CD164: variants seen among roughly 807,000 people sequenced by gnomAD.
CD164 encodes the protein sialomucin core protein 24.
In CD164, 11 loss-of-function variants were observed where a neutral mutation model predicts 24.6. That is an observed-to-expected ratio of 0.45 (90% CI 0.28 to 0.74). The LOEUF (loss-of-function observed/expected upper bound fraction) is 0.74. CD164 is among the 30% of genes least tolerant of loss of function. The probability of loss-of-function intolerance (pLI) is 0.13; values close to 1 mark genes in which losing one functional copy is unlikely to be tolerated. For missense variants in CD164, 295 were observed against 243.7 expected (o/e 1.21, Z -1.40); for synonymous variants, 126 against 100.3 (o/e 1.26, Z -1.53).
intron 2 of CD164, among the ~76,000 whole-genome samples, chr6:109,378,716 C>T (rs9487080): frequency 0.016 from 2,413 of 151,850 alleles, 62 homozygotes; most frequent in African/African-American, 0.056. Flanking sequence ...AAGAGTACGC[C>T]CTTAAATCCC....
chr6:109,381,253 T>C (rs1294721101), intron 1 of CD164, among the ~76,000 whole-genome samples: 1 of 152,212 alleles, frequency 6.6e-6, no homozygotes, highest in African/African-American at 2.4e-5. Context: ...ATTTCTGCTT[T>C]AAAATGTATG....
At chr6:109,380,520 AG>A (rs1220137203) in intron 1 of CD164, 1 of 152,256 alleles carries the variant, frequency 6.6e-6, no homozygotes, top group African/African-American at 2.4e-5. Context: ...CTTCATCATT[AG>A]TACTTATTAA....
intron 1 of CD164, chr6:109,380,553 G>A (rs552219764): frequency 1.3e-5 from 2 of 152,196 alleles, no homozygotes; most frequent in African/African-American, 4.8e-5. Context: ...TGTACGGTGG[G>A]GTGGGGAAGG....
rs1771801008 is a variant in CD164 at position 109,382,206 on chromosome 6, G to A, written c.173C>T (p.Pro58Leu). 3 of 1,554,508 alleles carry A rather than the reference G, an allele frequency of 1.9e-6. No individual in the cohort carries two copies. The highest frequency in any genetic ancestry group is 1.4e-5 in the African/African-American group (1 of 73,294). Residue 58 changes from proline to leucine, a missense_variant and splice_region_variant, in exon 1 of 6, where the codon CCA becomes CTA. Coordinates refer to ENST00000310786, the MANE Select transcript of CD164 (RefSeq NM_006016.6). Reference sequence around the variant, plus strand: ...AAGCCCACAGGGCCCGCGCCCACCTGGTGCCGGAGTGGTGACCAGCGGGAG... The same window carrying A: ...AAGCCCACAGGGCCCGCGCCCACCTAGTGCCGGAGTGGTGACCAGCGGGAG... ...TSLPLVTTPA[P>L]ETCEGRNSCV...
intron 1 of CD164, among the ~76,000 whole-genome samples, chr6:109,381,006 A>G (rs1234252660): frequency 1.3e-5 from 2 of 152,236 alleles, no homozygotes; most frequent in African/African-American, 4.8e-5. Context: ...AAACTTTTAT[A>G]AAATACTAAA....
At chr6:109,376,781 A>G (rs1288897134) in intron 3 of CD164, among the ~76,000 whole-genome samples, 3 of 152,258 alleles carry the variant, frequency 2.0e-5, no homozygotes, top group African/African-American at 7.2e-5. Context: ...TCTCTAAGCA[A>G]TATTACAAAA....
chr6:109,378,157 T>G (rs945327888), intron 2 of CD164, among the ~76,000 whole-genome samples, 186 bp from the exon 3 acceptor site: 1 of 152,140 alleles, frequency 6.6e-6, no homozygotes, highest in African/African-American at 2.4e-5. Flanking sequence ...CTTTTCCCAC[T>G]GACTTAGAGA....
intron 1 of CD164, chr6:109,381,404 A>G (rs915723153): frequency 5.9e-6 from 4 of 675,168 alleles, no homozygotes; most frequent in African/African-American, 3.6e-5. Flanking sequence ...GACATAGTTA[A>G]GAAAATTTTA....
At chr6:109,381,161 G>A (rs1771716420) in intron 1 of CD164, among the ~76,000 whole-genome samples, 1 of 152,186 alleles carries the variant, frequency 6.6e-6, no homozygotes, top group South Asian at 2.1e-4. Flanking sequence ...GAGACTGCAG[G>A]TTTTAAACCT....
At position 109,368,246 on chromosome 6, in the gene CD164, CAAT is replaced by C; in HGVS notation, c.*602_*604del. The C allele has an allele frequency of 6.6e-7, 1 of 1,518,746 alleles. No individual in the cohort carries two copies. Among genetic ancestry groups the C allele is most frequent in the Non-Finnish European group, 8.9e-7 (1 of 1,129,666 alleles). 94.1% of individuals were successfully genotyped at this position (1,518,746 alleles called of 1,614,324 possible). ...ACATAAGATGCTTTACAAGTATGAA[CAAT>C]AATCTGTTATACACACTAATGGTAT... On this transcript the variant is annotated 3_prime_UTR_variant, in exon 6 of 6. Coordinates refer to ENST00000310786, the MANE Select transcript of CD164 (RefSeq NM_006016.6).
chr6:109,378,365 T>C (rs769628383), intron 2 of CD164, among the ~76,000 whole-genome samples: 5 of 151,862 alleles, frequency 3.3e-5, no homozygotes, highest in Non-Finnish European at 5.9e-5. Flanking sequence ...GAAGATCACC[T>C]GAGGTCAGGA....
rs1770891742 is a variant in CD164 at position 109,368,453 on chromosome 6, A to T, written c.*398T>A. 7.2e-7 allele frequency: 1 copy of T among 1,391,002 alleles called. No individual in the cohort carries two copies. Among genetic ancestry groups the T allele is most frequent in the African/African-American group, 1.5e-5 (1 of 66,828 alleles). 86.2% of individuals were successfully genotyped at this position (1,391,002 alleles called of 1,614,324 possible). ...CCAAAAATCCACCTAATTGATTCTC[A>T]TTTGGCACGTTCTTCTCAATTCTGT... is the stretch of plus-strand genomic sequence containing the variant. On this transcript the variant is annotated 3_prime_UTR_variant, in exon 6 of 6. Transcript: ENST00000310786.
Position 109,367,316 on chromosome 6 carries a change from AGTTT to A in CD164, c.*1531_*1534del, listed in dbSNP as rs1210555822. ...ACCTTTAATAGTTATCTAAATGCAGAGTTTGTTTATGAAATGAAACAAAGCAGTT... is the reference window on the plus strand; with the variant it reads ...ACCTTTAATAGTTATCTAAATGCAGAGTTTATGAAATGAAACAAAGCAGTT... On this transcript the variant is annotated 3_prime_UTR_variant, in exon 6 of 6. Coordinates refer to ENST00000310786, the MANE Select transcript of CD164 (RefSeq NM_006016.6). 1.1e-4 allele frequency: 17 copies of A among 152,732 alleles called. No homozygotes were observed. The highest frequency in any genetic ancestry group is 8.3e-4 in the South Asian group (4 of 4,834). 9.5% of individuals were successfully genotyped at this position (152,732 alleles called of 1,614,324 possible).
intron 2 of CD164, among the ~76,000 whole-genome samples, chr6:109,378,759 T>C (rs1562242771): frequency 6.6e-6 from 1 of 152,114 alleles, no homozygotes; most frequent in Non-Finnish European, 1.5e-5. Context: ...GACACTTCTA[T>C]AACAAAAAAG....
chr6:109,366,735 A>T lies in CD164; in HGVS notation c.*2116T>A, dbSNP rs1239869967. On this transcript the variant is annotated 3_prime_UTR_variant, in exon 6 of 6. Coordinates refer to ENST00000310786, the MANE Select transcript of CD164 (RefSeq NM_006016.6). ...GGTTTCTATATACCTTCTGGATTTT[A>T]AAAAAACCCAAAAATTAATGGCTCA... The T allele has an allele frequency of 2.3e-5, 3 of 131,414 alleles. No individual in the cohort carries two copies. Among genetic ancestry groups the T allele is most frequent in the Admixed American group, 7.0e-5 (1 of 14,224 alleles). The allele number at this position is 131,414 out of a possible 1,614,324, so 8.1% of individuals were successfully genotyped here.
In CD164 at chr6:109,377,985, G is replaced by T; in HGVS notation, c.260-14C>A. 6.2e-7 allele frequency: 1 copy of T among 1,604,842 alleles called. No homozygotes were observed. Among genetic ancestry groups the T allele is most frequent in the Non-Finnish European group, 8.5e-7 (1 of 1,172,914 alleles). On this transcript the variant is annotated splice_polypyrimidine_tract_variant and intron_variant, in intron 2 of 5. Transcript: ENST00000310786. ...AATAGCTCTCATCTGTTGGGGGGCA[G>T]GGGAAAAGAGACAAACAGCATCAAC...
chr6:109,382,229 G>A lies in CD164; in HGVS notation c.150C>T (p.Leu50=), dbSNP rs1248538806. 1 of 1,580,400 alleles carries A rather than the reference G, an allele frequency of 6.3e-7. No individual in the cohort carries two copies. Among genetic ancestry groups the A allele is most frequent in the South Asian group, 1.2e-5 (1 of 86,896 alleles). Reference sequence around the variant, plus strand: ...CTGGTGCCGGAGTGGTGACCAGCGGGAGGGACGTCACCGGCGCCGAGGTTA... The same window carrying A: ...CTGGTGCCGGAGTGGTGACCAGCGGAAGGGACGTCACCGGCGCCGAGGTTA... ...SNVTSAPVTS[L]PLVTTPAPET... is the part of the protein sequence containing the mutation. The change falls in exon 1 of 6, where the codon CTC becomes CTT. Residue 50 remains leucine (L), a synonymous_variant. Coordinates refer to ENST00000310786, the MANE Select transcript of CD164 (RefSeq NM_006016.6).
At position 109,382,241 on chromosome 6, in the gene CD164, C is replaced by A; in HGVS notation, c.138G>T (p.Pro46=). The A allele has an allele frequency of 1.3e-6, 2 of 1,584,180 alleles. No individual in the cohort carries two copies. Among genetic ancestry groups the A allele is most frequent in the Non-Finnish European group, 1.7e-6 (2 of 1,168,788 alleles). Residue 46 remains proline (P), a synonymous_variant, in exon 1 of 6, where the codon CCG becomes CCT. Transcript: ENST00000310786. ...LAPISNVTSA[P]VTSLPLVTTP... is the part of the protein sequence containing the mutation. ...TGGTGACCAGCGGGAGGGACGTCACCGGCGCCGAGGTTACGTTGGAGATGG... is the reference window on the plus strand; with the variant it reads ...TGGTGACCAGCGGGAGGGACGTCACAGGCGCCGAGGTTACGTTGGAGATGG...
At chr6:109,376,393 C>G (rs765168443) in intron 3 of CD164, among the ~76,000 whole-genome samples, 30 of 152,172 alleles carry the variant, frequency 2.0e-4, no homozygotes, top group Non-Finnish European at 4.4e-5. Flanking sequence ...AGGAAGCATC[C>G]TTAAAGTAAG....
Sources: gnomAD v4.1 joint callset for allele counts (sites outside exome capture counted in the v4.1 genomes callset) on GRCh38, gnomAD v4.1.1 for gene constraint, MANE v1.5 for transcripts, NCBI Gene and HGNC (gene_info 2026-07-23, HGNC 2026-07-21) for gene names.